Variants in EYS observed in about 807,000 individuals in gnomAD.
EYS encodes protein eyes shut homolog.
In EYS, 250 loss-of-function variants were observed where a neutral mutation model predicts 282.1. That is an observed-to-expected ratio of 0.89 (90% confidence interval 0.80 to 0.98). The LOEUF (loss-of-function observed/expected upper bound fraction) is 0.98. Ranked by LOEUF, EYS falls within the 50% of genes least tolerant of loss-of-function variation. The pLI, the probability that EYS is intolerant of heterozygous loss-of-function variation, is 0.00. For missense variants in EYS, 4,016 were observed against 3,709.0 expected (o/e 1.08, Z -2.15); for synonymous variants, 1,355 against 1,282.9 (o/e 1.06, Z -1.20).
intron 35 of EYS, among the ~76,000 whole-genome samples, chr6:63,937,371 T>G (rs1452964086): frequency 1.5e-5 from 1 of 64,916 alleles, no homozygotes; most frequent in African/African-American, 6.5e-5. Flanking sequence ...TTTTTTTTTT[T>G]TTTTTTTTTT....
At chr6:64,236,050 T>C (rs1766595643) in intron 30 of EYS, among the ~76,000 whole-genome samples, 1 of 152,202 alleles carries the variant, frequency 6.6e-6, no homozygotes, top group Admixed American at 6.5e-5. Flanking sequence ...ATATCCTTGA[T>C]GAACATTGAT....
chr6:65,362,095 G>A (rs972526157), intron 8 of EYS, among the ~76,000 whole-genome samples: 1 of 152,016 alleles, frequency 6.6e-6, no homozygotes, highest in Non-Finnish European at 1.5e-5. Context: ...ATTTTCAAAA[G>A]TATTACTACA....
intron 2 of EYS, among the ~76,000 whole-genome samples, chr6:65,517,152 A>T (rs1562236008): frequency 6.6e-6 from 1 of 152,062 alleles, no homozygotes; most frequent in East Asian, 1.9e-4. Context: ...ATTGGATTTA[A>T]ACCAAAGGAA....
At chr6:64,986,667 A>G (rs1770870334) in intron 14 of EYS, among the ~76,000 whole-genome samples, 1 of 150,178 alleles carries the variant, frequency 6.7e-6, no homozygotes, top group Admixed American at 6.7e-5. Context: ...TAAGGGCCAA[A>G]TTACAGTTAG....
At chr6:64,504,319 C>G (rs1270337568) in intron 26 of EYS, among the ~76,000 whole-genome samples, 1 of 152,132 alleles carries the variant, frequency 6.6e-6, no homozygotes, top group Non-Finnish European at 1.5e-5. Flanking sequence ...TTGAAAATCA[C>G]CCTAACATTT....
intron 5 of EYS, among the ~76,000 whole-genome samples, chr6:65,486,988 T>C (rs1194361796): frequency 6.6e-6 from 1 of 151,074 alleles, no homozygotes; most frequent in Non-Finnish European, 1.5e-5. Flanking sequence ...CTGTTATTGG[T>C]ATATAGGAAT....
At chr6:65,366,183 C>T (rs1002360901) in intron 8 of EYS, among the ~76,000 whole-genome samples, 1 of 151,620 alleles carries the variant, frequency 6.6e-6, no homozygotes, top group African/African-American at 2.4e-5. Context: ...ACGGGCTATT[C>T]CTGTCTGCGT....
At chr6:63,907,129 G>T (rs144293173) in intron 35 of EYS, among the ~76,000 whole-genome samples, 1 of 152,236 alleles carries the variant, frequency 6.6e-6, no homozygotes, top group African/African-American at 2.4e-5. Context: ...TTAGACTAGG[G>T]CTTGATGGGC....
chr6:63,932,523 C>T (rs1449751429), intron 35 of EYS, among the ~76,000 whole-genome samples: 1 of 152,182 alleles, frequency 6.6e-6, no homozygotes, highest in Non-Finnish European at 1.5e-5. Context: ...ACTCCTCCTT[C>T]AGGGAATTTT....
intron 36 of EYS, among the ~76,000 whole-genome samples, chr6:63,839,698 C>T (rs1034049131): frequency 6.6e-6 from 1 of 152,030 alleles, no homozygotes; most frequent in Non-Finnish European, 1.5e-5. Context: ...GCAGAACATC[C>T]CTTTGACACA....
At position 64,236,191 on chromosome 6, in the gene EYS, T is replaced by A. The variant is rs548938003; in HGVS notation, c.6192-5367A>T. ...GGTTTCACCATGTTAGCCAGGATGGTCTCTATCTCCTGACCTTGTGCTCCA... is the reference window on the plus strand; with the variant it reads ...GGTTTCACCATGTTAGCCAGGATGGACTCTATCTCCTGACCTTGTGCTCCA... On this transcript the variant is annotated intron_variant, in intron 30 of 42. Transcript: ENST00000503581. Among the ~76,000 whole-genome samples the A allele has an allele frequency of 2.6e-5, 4 of 152,312 alleles. No homozygotes were observed. The South Asian group carries it at 6.2e-4, about 24-fold the overall frequency.
rs529055258 is a variant in EYS, at chr6:64,590,419, A to T, written c.5448T>A (p.Asp1816Glu). 2.1e-5 allele frequency: 33 copies of T among 1,551,362 alleles called. No homozygotes were observed. In the African/African-American group the frequency reaches 4.2e-4, roughly 20 times the overall value. ...TCATATAATCTGTAAAATATGGCCAATCTGGCCTAATTACAGACATGGAGG... is the reference window on the plus strand; with the variant it reads ...TCATATAATCTGTAAAATATGGCCATTCTGGCCTAATTACAGACATGGAGG... ...TSSSMSVIRPDWPYFTDYMTS... is the reference protein window; with the variant it reads ...TSSSMSVIRPEWPYFTDYMTS... The change falls in exon 26 of 43, where the codon GAT becomes GAA. Residue 1816 changes from aspartate to glutamate, a missense_variant. Physicochemically the swap from Asp to Glu is conservative, Grantham distance 45. Coordinates refer to ENST00000503581, the MANE Select transcript of EYS (RefSeq NM_001142800.2).
intron 5 of EYS, among the ~76,000 whole-genome samples, chr6:65,419,274 T>C: frequency 6.6e-6 from 1 of 152,026 alleles, no homozygotes; most frequent in South Asian, 2.1e-4. Context: ...CTACACCTCA[T>C]TAAGAATATT....
At chr6:64,334,858 C>T (rs1437818646) in intron 29 of EYS, among the ~76,000 whole-genome samples, 1 of 151,962 alleles carries the variant, frequency 6.6e-6, no homozygotes, top group East Asian at 1.9e-4. Context: ...TGGCTGGAAC[C>T]CAAGTTCACT....
intron 31 of EYS, among the ~76,000 whole-genome samples, chr6:64,171,467 C>T (rs973902921): frequency 1.3e-5 from 2 of 151,910 alleles, no homozygotes; most frequent in East Asian, 3.9e-4. Context: ...TCAATTATAG[C>T]CATATCTATG....
chr6:64,679,675 T>G (rs2149903193), intron 22 of EYS, among the ~76,000 whole-genome samples: 1 of 152,314 alleles, frequency 6.6e-6, no homozygotes, highest in Admixed American at 6.5e-5. Context: ...CATTTACAGC[T>G]TTGACAACTG....
At chr6:64,651,105 A>G (rs970300150) in intron 22 of EYS, among the ~76,000 whole-genome samples, 3 of 152,096 alleles carry the variant, frequency 2.0e-5, no homozygotes, top group South Asian at 4.1e-4. Context: ...TAAAAAAGCC[A>G]GTAACTTAAA....
intron 8 of EYS, among the ~76,000 whole-genome samples, chr6:65,372,492 A>G (rs1027003669): frequency 9.9e-5 from 15 of 152,198 alleles, no homozygotes; most frequent in African/African-American, 3.4e-4. Flanking sequence ...GCATAATATC[A>G]AACATTTTTA....
chr6:64,321,605 T>C (rs1181942207), intron 29 of EYS, among the ~76,000 whole-genome samples: 5 of 151,928 alleles, frequency 3.3e-5, no homozygotes, highest in Non-Finnish European at 7.4e-5. Flanking sequence ...AAATGCCTAC[T>C]AAGTATTTAT....
Sources: gnomAD v4.1 joint callset for allele counts (sites outside exome capture counted in the v4.1 genomes callset) on GRCh38, gnomAD v4.1.1 for gene constraint, MANE v1.5 for transcripts, NCBI Gene and HGNC (gene_info 2026-07-23, HGNC 2026-07-21) for gene names.